EYS: variants seen among roughly 807,000 people sequenced by gnomAD.
EYS encodes protein eyes shut homolog.
EYS carries 250 observed loss-of-function variants against 282.1 expected under a neutral mutation model. The ratio of observed to expected loss-of-function variants is 0.89; its 90% CI spans 0.80 to 0.98. EYS has a LOEUF of 0.98. Among genes scored for constraint, EYS ranks in the 50% least tolerant of loss-of-function variants. EYS has a pLI of 0.00. For synonymous variants in EYS, 1,355 were observed against 1,282.9 expected (o/e 1.06, Z -1.20); for missense variants, 4,016 against 3,709.0 (o/e 1.08, Z -2.15).
intron 31 of EYS, among the ~76,000 whole-genome samples, chr6:64,107,835 G>A (rs1285280884): frequency 6.6e-6 from 1 of 151,960 alleles, no homozygotes; most frequent in Non-Finnish European, 1.5e-5. Context: ...CTATAGCTAT[G>A]ATTAGGCCTC....
chr6:65,169,549 A>T (rs372628762), intron 12 of EYS, among the ~76,000 whole-genome samples: 62 of 151,474 alleles, frequency 4.1e-4, no homozygotes, highest in South Asian at 4.1e-4. Flanking sequence ...GCCAAAATAA[A>T]TCAGCCAATA....
intron 23 of EYS, among the ~76,000 whole-genome samples, chr6:64,620,910 A>G (rs2149852506): frequency 6.6e-6 from 1 of 152,342 alleles, no homozygotes; most frequent in East Asian, 1.9e-4. Flanking sequence ...TCTGACACAT[A>G]ATATAAAGTA....
chr6:65,479,104 T>G (rs1765510345), intron 5 of EYS, among the ~76,000 whole-genome samples: 1 of 143,088 alleles, frequency 7.0e-6, no homozygotes, highest in Admixed American at 7.3e-5. Flanking sequence ...ACTCAGAAAT[T>G]TATCCAACGA....
At chr6:63,763,870 T>TTTTATATATATATATATATA (rs1185179091) in intron 40 of EYS, among the ~76,000 whole-genome samples, 1 of 129,664 alleles carries the variant, frequency 7.7e-6, no homozygotes, top group South Asian at 2.5e-4. Context: ...TTATATCTTG[T>TTTTATATATATATATATATA]TATATATATA....
chr6:65,163,919 T>C (rs1009694855), intron 12 of EYS, among the ~76,000 whole-genome samples: 8 of 151,210 alleles, frequency 5.3e-5, no homozygotes, highest in Admixed American at 2.0e-4. Context: ...GCTTAAGGTA[T>C]CAATTAGCTG....
chr6:64,296,541 A>AATAT (rs1211614579), intron 30 of EYS, among the ~76,000 whole-genome samples: 465 of 13,502 alleles, frequency 0.034, no homozygotes, highest in South Asian at 0.081. Flanking sequence ...GTACTGGCAG[A>AATAT]ATATATATAT....
intron 35 of EYS, among the ~76,000 whole-genome samples, chr6:63,937,603 A>C: frequency 6.6e-6 from 1 of 151,164 alleles, no homozygotes; most frequent in Non-Finnish European, 1.5e-5. Flanking sequence ...GGATGGTCTC[A>C]ATCTCCTGAC....
intron 30 of EYS, among the ~76,000 whole-genome samples, chr6:64,291,342 G>A (rs546409040): frequency 3.3e-5 from 5 of 151,942 alleles, no homozygotes; most frequent in African/African-American, 1.2e-4. Context: ...ACCTCAAATA[G>A]TAACATCTGA....
At chr6:63,898,059 C>A (rs956629146) in intron 35 of EYS, among the ~76,000 whole-genome samples, 1 of 152,148 alleles carries the variant, frequency 6.6e-6, no homozygotes, top group Admixed American at 6.5e-5. Context: ...CTGAAGTAGA[C>A]GTAAAAATAT....
intron 19 of EYS, among the ~76,000 whole-genome samples, chr6:64,861,579 T>A (rs1766240518): frequency 6.6e-6 from 1 of 152,134 alleles, no homozygotes; most frequent in East Asian, 1.9e-4. Context: ...CAGCTGCAGC[T>A]GAGGAAGGCA....
At chr6:64,873,993 C>T (rs1332117116) in intron 19 of EYS, among the ~76,000 whole-genome samples, 2 of 151,932 alleles carry the variant, frequency 1.3e-5, no homozygotes, top group South Asian at 4.1e-4. Flanking sequence ...CCATTAAAAG[C>T]CACAATTAAA....
chr6:64,522,256 A>AT (rs1037073897), intron 26 of EYS, among the ~76,000 whole-genome samples: 1 of 151,708 alleles, frequency 6.6e-6, no homozygotes, highest in Non-Finnish European at 1.5e-5. Context: ...CATTTTATGT[A>AT]TTTTTTAGGG....
chr6:65,564,242 T>G (rs71517749), intron 2 of EYS, among the ~76,000 whole-genome samples: 1 of 152,178 alleles, frequency 6.6e-6, no homozygotes, highest in Non-Finnish European at 1.5e-5. Flanking sequence ...AAGTAATCAT[T>G]GACTTTCTTC....
At chr6:64,799,308 T>G (rs141238895) in intron 22 of EYS, among the ~76,000 whole-genome samples, 1 of 151,980 alleles carries the variant, frequency 6.6e-6, no homozygotes, top group Non-Finnish European at 1.5e-5. Context: ...GATAAGCTCA[T>G]CCTTTGAGAT....
chr6:64,453,205 C>T (rs1044788707), intron 26 of EYS, among the ~76,000 whole-genome samples: 2 of 152,072 alleles, frequency 1.3e-5, no homozygotes, highest in African/African-American at 4.8e-5. Context: ...AGGATATGAA[C>T]AGACACTTCT....
chr6:65,317,377 C>G (rs1405656790), intron 11 of EYS, among the ~76,000 whole-genome samples: 1 of 152,152 alleles, frequency 6.6e-6, no homozygotes, highest in Non-Finnish European at 1.5e-5. Flanking sequence ...TACTATAAAG[C>G]TACATTCAAT....
At chr6:65,036,165 A>T (rs1772764340) in intron 13 of EYS, among the ~76,000 whole-genome samples, 1 of 151,710 alleles carries the variant, frequency 6.6e-6, no homozygotes, top group Non-Finnish European at 1.5e-5. Context: ...CAGCATCCAG[A>T]AATAGAGCGG....
intron 12 of EYS, among the ~76,000 whole-genome samples, chr6:65,269,201 T>C (rs1393485403): frequency 1.3e-5 from 2 of 152,170 alleles, no homozygotes; most frequent in African/African-American, 4.8e-5. Flanking sequence ...ACATATTCCC[T>C]ATATTTCATA....
intron 35 of EYS, among the ~76,000 whole-genome samples, chr6:63,887,879 A>G (rs191282489): frequency 4.6e-5 from 7 of 152,302 alleles, no homozygotes; most frequent in South Asian, 2.1e-4. Flanking sequence ...TCTCACCCCC[A>G]TGGAGCCCAG....
Sources: allele counts gnomAD v4.1 joint callset (sites outside exome capture counted in the v4.1 genomes callset), GRCh38; gene constraint gnomAD v4.1.1; transcripts MANE v1.5; gene names NCBI Gene and HGNC (gene_info 2026-07-23, HGNC 2026-07-21).